BCLAF3: variants seen among roughly 807,000 people sequenced by gnomAD.
BCLAF3 encodes BCLAF1 and THRAP3 family member 3, also known as transient octamer binding factor 1.
BCLAF3 carries 24 observed loss-of-function variants against 51.2 expected under a neutral mutation model. The ratio of observed to expected loss-of-function variants is 0.47; its 90% CI spans 0.34 to 0.66. The LOEUF is 0.66. BCLAF3 is among the 30% of genes least tolerant of loss of function. BCLAF3 has a pLI of 0.01. For synonymous variants in BCLAF3, 152 were observed against 176.6 expected, an observed-to-expected ratio of 0.86 and a Z score of 1.10; for missense variants, 465 against 525.1, an observed-to-expected ratio of 0.89 and a Z score of 1.12.
intron 8 of BCLAF3, among the ~76,000 whole-genome samples, chrX:19,939,266 G>C (rs1324530524): frequency 8.9e-6 from 1 of 111,759 alleles, no homozygotes; most frequent in Non-Finnish European, 1.9e-5. Context: ...TTATATTTTT[G>C]ATTTTATACT....
intron 4 of BCLAF3, among the ~76,000 whole-genome samples, chrX:19,960,896 T>G (rs2071830792): frequency 3.6e-5 from 4 of 112,135 alleles, no homozygotes; most frequent in African/African-American, 9.7e-5. Context: ...ATGTGGCCAA[T>G]GTACTCAGTC....
chrX:19,966,375 T>C lies in BCLAF3; in HGVS notation c.316A>G (p.Ser106Gly), dbSNP rs758333316. 5.8e-6 allele frequency: 7 copies of C among 1,211,989 alleles called. No individual in the cohort carries two copies. The Admixed American group carries it at 1.1e-4, about 19-fold the overall frequency. Reference sequence around the variant, plus strand: ...GGCATATACTGAGCTCTCCTGTTACTGTCCCCTCTTCCAGGCGAATATCCT... The same window carrying C: ...GGCATATACTGAGCTCTCCTGTTACCGTCCCCTCTTCCAGGCGAATATCCT... The part of the protein sequence containing the change: ...HRGYSPGRGD[S>G]NRRAQYMPKY... The change falls in exon 3 of 12, where the codon AGT becomes GGT. Residue 106 changes from serine to glycine, a missense_variant. Ser to Gly is a moderately conservative substitution (Grantham distance 56, BLOSUM62 0). Coordinates refer to ENST00000379682, the MANE Select transcript of BCLAF3 (RefSeq NM_001367774.2).
At position 19,965,334 on chromosome X, in the gene BCLAF3, T is replaced by A. The variant is rs775810346; in HGVS notation, c.984A>T (p.Gly328=). Residue 328 remains glycine, a synonymous_variant, in exon 4 of 12, where the codon GGA becomes GGT. Transcript: ENST00000379682. The part of the protein sequence containing the change: ...LNRELDCFNT[G]RGRETQDGQV... ...GTCCATCTTGAGTCTCTCTCCCTCT[T>A]CCAGTATTAAAACAATCTAACTCTC... The A allele has an allele frequency of 1.7e-5, 20 of 1,209,927 alleles. No homozygotes were observed. In the African/African-American group the frequency reaches 2.1e-4, roughly 13 times the overall value.
chrX:19,956,988 A>G (rs1838077668), intron 4 of BCLAF3, among the ~76,000 whole-genome samples: 1 of 111,791 alleles, frequency 8.9e-6, no homozygotes, highest in Admixed American at 9.5e-5. Context: ...GGGCTTACAG[A>G]TATTCTTTAA....
intron 1 of BCLAF3, among the ~76,000 whole-genome samples, chrX:19,978,696 G>A (rs751948830): frequency 8.9e-5 from 10 of 111,931 alleles, no homozygotes; most frequent in African/African-American, 3.2e-4. Flanking sequence ...AATTTTGATG[G>A]AAGTGCTACT....
Position 19,955,530 on chromosome X carries a change from T to G in BCLAF3, c.1311A>C (p.Ser437=). 1 of 1,203,010 alleles carries G rather than the reference T, an allele frequency of 8.3e-7. No homozygotes were observed. Among genetic ancestry groups the G allele is most frequent in the Middle Eastern group, 2.3e-4 (1 of 4,335 alleles). The part of the protein sequence containing the change: ...ASSYSTERQM[S]HDLVAVGRKS... ...TCCTGCCAACAGCAACCAAATCATG[T>G]GACATCTGTCTCTCTGTGGAATAGC... The change falls in exon 5 of 12, where the codon TCA becomes TCC. Residue 437 remains serine, a synonymous_variant. Transcript: ENST00000379682.
At chrX:19,974,616 T>C (rs1262063814) in intron 1 of BCLAF3, among the ~76,000 whole-genome samples, 2 of 111,974 alleles carry the variant, frequency 1.8e-5, no homozygotes, top group Non-Finnish European at 3.8e-5. Flanking sequence ...GGCAGCTCAT[T>C]CACCCCTGTA....
At position 19,942,101 on chromosome X, in the gene BCLAF3, G is replaced by A. The variant is rs1345278594; in HGVS notation, c.1746-4569C>T. On this transcript the variant is annotated intron_variant, in intron 8 of 11. Coordinates refer to ENST00000379682, the MANE Select transcript of BCLAF3 (RefSeq NM_001367774.2). Reference sequence around the variant, plus strand: ...ATGTTGCTGGTGTATAAGAATGCTTGTGATTTTTGTACATTGATTTTGTAT... The same window carrying A: ...ATGTTGCTGGTGTATAAGAATGCTTATGATTTTTGTACATTGATTTTGTAT... Among the ~76,000 whole-genome samples the A allele has an allele frequency of 4.0e-5, 3 of 75,410 alleles. No homozygotes were observed. The East Asian group carries it at 1.1e-3, about 28-fold the overall frequency. 65.5% of individuals were successfully genotyped at this position (75,410 alleles called of 115,157 possible).
At chrX:19,932,525 A>ATTTTTTTTTTTTTTTTTTTTT (rs58949658) in intron 10 of BCLAF3, among the ~76,000 whole-genome samples, 1 of 77,440 alleles carries the variant, frequency 1.3e-5, no homozygotes, top group Non-Finnish European at 2.4e-5. Flanking sequence ...ACAAGTCAAG[A>ATTTTTTTTTTTTTTTTTTTTT]TTTTTTTTTT....
At chrX:19,950,918 C>T in intron 7 of BCLAF3, 50 bp from the exon 8 acceptor site, 1 of 856,642 alleles carries the variant, frequency 1.2e-6, no homozygotes, top group Non-Finnish European at 1.7e-6. Context: ...TTTAGTTGCA[C>T]AAAGACCATA....
In BCLAF3 at chrX:19,913,992, T is replaced by C. The variant is rs2069870314; in HGVS notation, c.*3313A>G. 9.0e-6 allele frequency: 1 copy of C among 111,359 alleles called. No individual in the cohort carries two copies. The highest frequency in any genetic ancestry group is 3.3e-5 in the African/African-American group (1 of 30,595). 9.2% of individuals were successfully genotyped at this position (111,359 alleles called of 1,213,427 possible). On this transcript the variant is annotated 3_prime_UTR_variant, in exon 12 of 12. Transcript: ENST00000379682. ...TCATAATCATCCTATTTGACGGAAC[T>C]TTGTTGGGGAACCTGGTATCCCCTC...
intron 1 of BCLAF3, chrX:19,984,917 C>T (rs1316578570): frequency 8.9e-6 from 1 of 112,150 alleles, no homozygotes; most frequent in East Asian, 2.8e-4. Flanking sequence ...AAACTCCCGA[C>T]CTCAGGTGAT....
chrX:19,939,818 T>C (rs1001367530), intron 8 of BCLAF3, among the ~76,000 whole-genome samples: 2 of 112,072 alleles, frequency 1.8e-5, no homozygotes, highest in African/African-American at 3.2e-5. Flanking sequence ...CTAAGTGAAA[T>C]AAGCCAGAGA....
At chrX:19,937,893 GC>G (rs1458354945) in intron 8 of BCLAF3, among the ~76,000 whole-genome samples, 1 of 111,784 alleles carries the variant, frequency 8.9e-6, no homozygotes, top group East Asian at 2.8e-4. Context: ...TGGCAGCACT[GC>G]CCCCCTCCCC....
rs1373229681 is a variant in BCLAF3 at position 19,974,837 on chromosome X, G to A, written c.-34-4539C>T. Among the ~76,000 whole-genome samples, 6 of 110,989 alleles carry A rather than the reference G, an allele frequency of 5.4e-5. 1 individual carries two copies. The highest frequency in any genetic ancestry group is 2.0e-4 in the African/African-American group (6 of 30,475). On this transcript the variant is annotated intron_variant, in intron 1 of 11. Transcript: ENST00000379682. ...GCGGAGGTTACAGTGAGCCGAGATC[G>A]CACCACTGGACTCCAGCCTAGGTGA...
chrX:19,927,003 G>A (rs2070379503), intron 11 of BCLAF3, among the ~76,000 whole-genome samples: 1 of 111,386 alleles, frequency 9.0e-6, no homozygotes, highest in Non-Finnish European at 1.9e-5. Context: ...GAGGCAGGTG[G>A]ATCACATGAG....
At chrX:19,961,989 T>G (rs1447580562) in intron 4 of BCLAF3, among the ~76,000 whole-genome samples, 1 of 111,953 alleles carries the variant, frequency 8.9e-6, no homozygotes, top group Non-Finnish European at 1.9e-5. Flanking sequence ...TTGTGACACA[T>G]GATAAAGATC....
In BCLAF3 at chrX:19,953,859, T is replaced by C; in HGVS notation, c.1484A>G (p.His495Arg). 1 of 1,207,856 alleles carries C rather than the reference T, an allele frequency of 8.3e-7. No homozygotes were observed. Among genetic ancestry groups the C allele is most frequent in the Non-Finnish European group, 1.1e-6 (1 of 892,668 alleles). ...ATCTTGCATTGTTGAGAAACGCTCATGTAAAGTAATGCCAGGTGATGGAAA... is the reference window on the plus strand; with the variant it reads ...ATCTTGCATTGTTGAGAAACGCTCACGTAAAGTAATGCCAGGTGATGGAAA... ...NYFPSPGITL[H>R]ERFSTMQDIH... Residue 495 changes from histidine (H) to arginine (R), a missense_variant, in exon 6 of 12, where the codon CAT (histidine) becomes CGT (arginine). By Grantham distance (29) the His-to-Arg change is conservative. Coordinates refer to ENST00000379682, the MANE Select transcript of BCLAF3 (RefSeq NM_001367774.2).
In BCLAF3 at chrX:19,966,470, T is replaced by C; in HGVS notation, c.221A>G (p.Tyr74Cys). The part of the protein sequence containing the change: ...PSRGNIYYQS[Y>C]EHRSPSPNIR... ...GTTAGGGGAAGGTGATCTATGTTCA[T>C]AAGACTGGTAATATATATTTCCACG... The change falls in exon 3 of 12, where the codon TAT becomes TGT. Residue 74 changes from tyrosine (Y) to cysteine (C), a missense_variant. Physicochemically the swap from Tyr to Cys is radical, Grantham distance 194. Transcript: ENST00000379682. 8.3e-7 allele frequency: 1 copy of C among 1,211,596 alleles called. No homozygotes were observed.
Sources: gnomAD v4.1 joint callset for allele counts (sites outside exome capture counted in the v4.1 genomes callset) on GRCh38, gnomAD v4.1.1 for gene constraint, MANE v1.5 for transcripts, NCBI Gene and HGNC (gene_info 2026-07-23, HGNC 2026-07-21) for gene names.